The following GRIP1 variants were observed in gnomAD, a reference collection of about 807,000 sequenced individuals.
GRIP1 encodes the protein glutamate receptor interacting protein 1, also known as glutamate receptor-interacting protein 1.
GRIP1 carries 45 observed loss-of-function variants against 129.9 expected under a neutral mutation model. The ratio of observed to expected loss-of-function variants is 0.35; its 90% confidence interval spans 0.27 to 0.44. The LOEUF (loss-of-function observed/expected upper bound fraction) is 0.44, where lower values mean the gene tolerates loss of function less well. Among genes scored for constraint, GRIP1 ranks in the 20% least tolerant of loss-of-function variants. The pLI is 1.00. For synonymous variants in GRIP1, 530 were observed against 520.8 expected (o/e 1.02, Z -0.24); for missense variants, 1,196 against 1,396.8 (o/e 0.86, Z 2.29).
intron 23 of GRIP1, among the ~76,000 whole-genome samples, chr12:66,369,340 CTTTTT>C (rs758593628): frequency 2.8e-5 from 3 of 106,788 alleles, no homozygotes; most frequent in Non-Finnish European, 5.6e-5. Context: ...TTAACAAGAT[CTTTTT>C]TTTTTTTTTT....
chr12:66,523,020 G>A (rs1356988824), intron 5 of GRIP1, among the ~76,000 whole-genome samples: 3 of 152,074 alleles, frequency 2.0e-5, no homozygotes, highest in Non-Finnish European at 4.4e-5. Flanking sequence ...CAAGAAATAT[G>A]GGACTATGTG....
chr12:66,361,350 G>A (rs769415365), intron 23 of GRIP1, among the ~76,000 whole-genome samples: 31 of 152,158 alleles, frequency 2.0e-4, no homozygotes, highest in Non-Finnish European at 4.1e-4. Context: ...GAGAGAATCA[G>A]TAGCTGGGAT....
At chr12:66,983,469 G>C (rs1476685121) in intron 1 of GRIP1, among the ~76,000 whole-genome samples, 3 of 152,162 alleles carry the variant, frequency 2.0e-5, no homozygotes, top group African/African-American at 7.2e-5. Context: ...ACATGTTTAA[G>C]TAATTTTAAC....
At chr12:66,532,172 T>C (rs2061480590) in intron 4 of GRIP1, among the ~76,000 whole-genome samples, 1 of 152,244 alleles carries the variant, frequency 6.6e-6, no homozygotes, top group Non-Finnish European at 1.5e-5. Flanking sequence ...TGCGTTTTAA[T>C]ACAATTAATG....
intron 2 of GRIP1, among the ~76,000 whole-genome samples, chr12:66,549,415 A>G (rs949994059): frequency 6.6e-6 from 1 of 152,158 alleles, no homozygotes; most frequent in Non-Finnish European, 1.5e-5. Context: ...CCAGAATACT[A>G]TAGCTATATC....
chr12:66,730,660 T>C (rs1363811036), intron 1 of GRIP1, among the ~76,000 whole-genome samples: 1 of 126,978 alleles, frequency 7.9e-6, no homozygotes, highest in Non-Finnish European at 1.6e-5. Context: ...AAAGCCTAAA[T>C]GGATACTAGT....
intron 1 of GRIP1, among the ~76,000 whole-genome samples, chr12:66,774,837 T>A (rs142540187): frequency 7.6e-4 from 116 of 152,188 alleles, no homozygotes; most frequent in Middle Eastern, 3.4e-3. Flanking sequence ...CATAAACAAG[T>A]TTTCATCAGG....
At chr12:66,842,469 T>C (rs1303985374) in intron 1 of GRIP1, among the ~76,000 whole-genome samples, 1 of 152,154 alleles carries the variant, frequency 6.6e-6, no homozygotes, top group Admixed American at 6.5e-5. Context: ...CCTGCCTCAG[T>C]TTCCTTTGGG....
chr12:66,454,989 T>G (rs529548423), intron 11 of GRIP1, among the ~76,000 whole-genome samples: 1 of 152,278 alleles, frequency 6.6e-6, no homozygotes, highest in South Asian at 2.1e-4. Flanking sequence ...AATCTTATAT[T>G]TATCAAAAGG....
chr12:66,888,080 C>T (rs988189824), intron 1 of GRIP1, among the ~76,000 whole-genome samples: 5 of 152,092 alleles, frequency 3.3e-5, no homozygotes, highest in African/African-American at 1.2e-4. Context: ...TATTTTGAGA[C>T]AGGGTCTCTC....
At chr12:66,836,791 C>A (rs150277727) in intron 1 of GRIP1, among the ~76,000 whole-genome samples, 1 of 152,140 alleles carries the variant, frequency 6.6e-6, no homozygotes, top group Non-Finnish European at 1.5e-5. Flanking sequence ...TAATAGGCCT[C>A]ATTTACAGGC....
At chr12:67,017,707 C>T (rs1164525947) in intron 1 of GRIP1, among the ~76,000 whole-genome samples, 3 of 151,910 alleles carry the variant, frequency 2.0e-5, no homozygotes, top group Non-Finnish European at 4.4e-5. Context: ...GGCTAGGAAG[C>T]TTCTGCTTTT....
intron 1 of GRIP1, among the ~76,000 whole-genome samples, chr12:66,645,991 G>A (rs2032333502): frequency 6.6e-6 from 1 of 152,150 alleles, no homozygotes; most frequent in South Asian, 2.1e-4. Flanking sequence ...ATGCTGTTCA[G>A]TATTAAAGTT....
At chr12:66,756,366 G>A (rs141601680) in intron 1 of GRIP1, among the ~76,000 whole-genome samples, 9 of 152,190 alleles carry the variant, frequency 5.9e-5, no homozygotes, top group East Asian at 5.8e-4. Context: ...TTGGTATTTC[G>A]ATCTTTGCTT....
At chr12:66,836,778 C>T (rs1395153485) in intron 1 of GRIP1, among the ~76,000 whole-genome samples, 1 of 152,128 alleles carries the variant, frequency 6.6e-6, no homozygotes, top group Admixed American at 6.6e-5. Flanking sequence ...TGAGTACTAT[C>T]ATTAATAGGC....
intron 1 of GRIP1, among the ~76,000 whole-genome samples, chr12:66,738,396 T>G (rs1410749900): frequency 6.6e-6 from 1 of 151,650 alleles, no homozygotes; most frequent in Admixed American, 6.6e-5. Flanking sequence ...ATTTTTTGTA[T>G]TTTTTTAGTA....
chr12:67,008,383 T>C (rs2042658217), intron 1 of GRIP1, among the ~76,000 whole-genome samples: 1 of 152,178 alleles, frequency 6.6e-6, no homozygotes, highest in Non-Finnish European at 1.5e-5. Flanking sequence ...AAGGTTTATC[T>C]TAAAGACTTC....
chr12:66,417,250 A>T (rs942462026), intron 15 of GRIP1, among the ~76,000 whole-genome samples: 1 of 152,164 alleles, frequency 6.6e-6, no homozygotes, highest in Non-Finnish European at 1.5e-5. Context: ...TCCCTTCATG[A>T]TAAAAATCCT....
chr12:66,880,807 T>C (rs558851854), intron 1 of GRIP1, among the ~76,000 whole-genome samples: 33 of 152,256 alleles, frequency 2.2e-4, no homozygotes, highest in Middle Eastern at 6.8e-3. Flanking sequence ...TACATTTATA[T>C]AGGCAGACCC....
Sources: allele counts gnomAD v4.1 joint callset (sites outside exome capture counted in the v4.1 genomes callset), GRCh38; gene constraint gnomAD v4.1.1; transcripts MANE v1.5; gene names NCBI Gene and HGNC (gene_info 2026-07-23, HGNC 2026-07-21).